Variants in MGAT4C observed in about 807,000 individuals in gnomAD.
The protein encoded by MGAT4C is alpha-1,3-mannosyl-glycoprotein 4-beta-N-acetylglucosaminyltransferase C.
Under a neutral mutation model 40.1 loss-of-function variants are expected in MGAT4C, and 19 were observed. The observed-to-expected ratio is 0.47, with a 90% CI of 0.33 to 0.70. The LOEUF (loss-of-function observed/expected upper bound fraction) is 0.70, where lower values mean the gene tolerates loss of function less well. Ranked by LOEUF, MGAT4C falls within the 30% of genes least tolerant of loss-of-function variation. MGAT4C has a pLI of 0.02. For synonymous variants in MGAT4C, 181 were observed against 187.1 expected (o/e 0.97, Z 0.27); for missense variants, 491 against 563.2 (o/e 0.87, Z 1.30).
At chr12:86,460,239 T>C (rs1333504159) in intron 2 of MGAT4C, among the ~76,000 whole-genome samples, 1 of 152,174 alleles carries the variant, frequency 6.6e-6, no homozygotes, top group Non-Finnish European at 1.5e-5. Flanking sequence ...GCTGAGTTTG[T>C]GTGAAATACA....
chr12:86,397,063 G>C (rs750802634), intron 3 of MGAT4C, among the ~76,000 whole-genome samples: 1 of 119,170 alleles, frequency 8.4e-6, no homozygotes, highest in Non-Finnish European at 1.8e-5. Context: ...CAAAGATGGA[G>C]GCCTGCATTT....
At chr12:86,472,075 C>G in intron 2 of MGAT4C, among the ~76,000 whole-genome samples, 1 of 151,922 alleles carries the variant, frequency 6.6e-6, no homozygotes, top group East Asian at 1.9e-4. Context: ...CATACTTTAC[C>G]TCTTCGTAAA....
intron 1 of MGAT4C, among the ~76,000 whole-genome samples, chr12:86,092,814 G>A (rs1440470125): frequency 6.6e-6 from 1 of 152,012 alleles, no homozygotes; most frequent in Admixed American, 6.6e-5. Context: ...GCATATGACG[G>A]TTCCTTTAAC....
chr12:86,731,172 A>G (rs2136120061), intron 1 of MGAT4C, among the ~76,000 whole-genome samples: 1 of 152,232 alleles, frequency 6.6e-6, no homozygotes, highest in Non-Finnish European at 1.5e-5. Flanking sequence ...TGTAACTATT[A>G]TATTCAGTCT....
At chr12:86,462,650 C>G (rs1957618616) in intron 2 of MGAT4C, among the ~76,000 whole-genome samples, 1 of 152,172 alleles carries the variant, frequency 6.6e-6, no homozygotes, top group Non-Finnish European at 1.5e-5. Context: ...GGGAAGCCAA[C>G]AGTGCAGCCT....
intron 3 of MGAT4C, among the ~76,000 whole-genome samples, chr12:86,352,170 A>G (rs547995466): frequency 1.3e-5 from 2 of 152,230 alleles, no homozygotes; most frequent in South Asian, 4.1e-4. Flanking sequence ...AGTCTGTTAT[A>G]ACAAAAACAA....
chr12:86,532,447 T>C (rs1322107975), intron 2 of MGAT4C, among the ~76,000 whole-genome samples: 1 of 152,048 alleles, frequency 6.6e-6, no homozygotes, highest in African/African-American at 2.4e-5. Flanking sequence ...GAAATGGATT[T>C]TAACAATGTA....
rs796993464 is a variant in MGAT4C, at chr12:86,740,941, C to T, written c.-261-13700G>A. Among the ~76,000 whole-genome samples, 26 of 150,842 alleles carry T rather than the reference C, an allele frequency of 1.7e-4. 1 individual carries two copies. The highest frequency in any genetic ancestry group is 4.8e-4 in the African/African-American group (20 of 41,310). On this transcript the variant is annotated intron_variant, in intron 1 of 7. Coordinates refer to the MGAT4C transcript ENST00000548651. ...ATATTGAGGTTTGGAATACAAATTC[C>T]GTCACCCAGGTAGTGAGCATAATAT...
intron 4 of MGAT4C, among the ~76,000 whole-genome samples, chr12:86,264,554 G>T (rs961071132): frequency 6.6e-6 from 1 of 152,118 alleles, no homozygotes; most frequent in East Asian, 1.9e-4. Context: ...CGAGTTAGCT[G>T]GGCAGGAGCC....
At chr12:86,743,789 G>A (rs1951110764) in intron 1 of MGAT4C, among the ~76,000 whole-genome samples, 1 of 151,538 alleles carries the variant, frequency 6.6e-6, no homozygotes, top group African/African-American at 2.4e-5. Flanking sequence ...TACTAGTCAG[G>A]CATTTGAAAT....
chr12:86,488,268 A>T (rs1958062096), intron 2 of MGAT4C, among the ~76,000 whole-genome samples: 1 of 151,068 alleles, frequency 6.6e-6, no homozygotes, highest in Non-Finnish European at 1.5e-5. Context: ...AAAAAAAAAA[A>T]TAGAAAAATT....
intron 1 of MGAT4C, among the ~76,000 whole-genome samples, chr12:86,076,947 A>G (rs1869850352): frequency 6.6e-6 from 1 of 152,200 alleles, no homozygotes; most frequent in Admixed American, 6.5e-5. Context: ...GGCAGGAAGC[A>G]TCCAGCACAG....
At chr12:86,207,131 C>A (rs1593235599) in intron 1 of MGAT4C, among the ~76,000 whole-genome samples, 1 of 147,508 alleles carries the variant, frequency 6.8e-6, no homozygotes, top group African/African-American at 2.5e-5. Context: ...TTTTAGCTCG[C>A]TTAATCTTTG....
chr12:86,210,504 G>A (rs535272761), intron 1 of MGAT4C, among the ~76,000 whole-genome samples: 156 of 152,300 alleles, frequency 1.0e-3, no homozygotes, highest in African/African-American at 3.7e-3. Flanking sequence ...TTAGTCCAGA[G>A]TCAGAAACAC....
chr12:86,473,416 A>G (rs1007290230), intron 2 of MGAT4C, among the ~76,000 whole-genome samples: 1 of 152,208 alleles, frequency 6.6e-6, no homozygotes, highest in East Asian at 1.9e-4. Context: ...TTCTTCATGC[A>G]TATTCCCATT....
intron 4 of MGAT4C, among the ~76,000 whole-genome samples, chr12:86,316,626 CA>C (rs1175246276): frequency 6.6e-6 from 1 of 151,240 alleles, no homozygotes; most frequent in Non-Finnish European, 1.5e-5. Context: ...CAAAACAAAA[CA>C]AAAAAACAAG....
intron 1 of MGAT4C, among the ~76,000 whole-genome samples, chr12:86,741,071 A>G (rs562155519): frequency 6.6e-6 from 1 of 151,032 alleles, no homozygotes; most frequent in East Asian, 2.0e-4. Flanking sequence ...CTCAATGTTT[A>G]GCTCCCGCTT....
At chr12:86,648,900 T>G (rs911411643) in intron 2 of MGAT4C, among the ~76,000 whole-genome samples, 1 of 151,866 alleles carries the variant, frequency 6.6e-6, no homozygotes, top group Non-Finnish European at 1.5e-5. Context: ...GTTTTAAAAT[T>G]GTTCTCTCTA....
intron 2 of MGAT4C, among the ~76,000 whole-genome samples, chr12:86,024,716 A>G (rs2136879644): frequency 6.6e-6 from 1 of 151,936 alleles, no homozygotes; most frequent in Non-Finnish European, 1.5e-5. Flanking sequence ...GTCATTAACT[A>G]TCCTACAGCC....
Sources: allele counts gnomAD v4.1 joint callset (sites outside exome capture counted in the v4.1 genomes callset), GRCh38; gene constraint gnomAD v4.1.1; transcripts MANE v1.5; gene names NCBI Gene and HGNC (gene_info 2026-07-23, HGNC 2026-07-21).